Variants in CDKN2B-AS1 observed in about 807,000 individuals in gnomAD.
CDKN2B-AS1 encodes the protein CDKN2B antisense RNA 1 (non-protein coding).
chr9:22,031,904 A>G (rs1221750777), intron 1 of CDKN2B-AS1, among the ~76,000 whole-genome samples: 7 of 152,282 alleles, frequency 4.6e-5, no homozygotes, highest in Admixed American at 3.3e-4. Flanking sequence ...AGAGGCTCAC[A>G]TGGCAGGGAC....
intron 1 of CDKN2B-AS1, among the ~76,000 whole-genome samples, chr9:22,041,481 A>G (rs374733928): frequency 5.8e-4 from 88 of 152,218 alleles, no homozygotes; most frequent in African/African-American, 2.1e-3. Flanking sequence ...TATATGCATA[A>G]TAACCCTGAG....
chr9:22,009,023 C>T (rs2131191180), intron 1 of CDKN2B-AS1: 7 of 1,603,768 alleles, frequency 4.4e-6, no homozygotes, highest in Non-Finnish European at 6.0e-6. Flanking sequence ...ACACTCTTCC[C>T]TTCTTTCCCA....
intron 4 of CDKN2B-AS1, among the ~76,000 whole-genome samples, chr9:22,125,883 T>C (rs1006075089): frequency 1.3e-5 from 2 of 152,210 alleles, no homozygotes; most frequent in Non-Finnish European, 2.9e-5. Flanking sequence ...TATAAGCAGA[T>C]ATTCCAAGAT....
intron 1 of CDKN2B-AS1, chr9:22,008,999 C>A: frequency 6.2e-7 from 1 of 1,613,340 alleles, no homozygotes; most frequent in South Asian, 1.1e-5. Flanking sequence ...CCACCGTTGG[C>A]CGTAAACTTA....
rs568329343 is a variant in CDKN2B-AS1 at position 21,995,557 on chromosome 9, C to G, written n.29+396C>G. 3.3e-5 allele frequency: 5 copies of G among 152,874 alleles called. No homozygotes were observed. The highest frequency in any genetic ancestry group is 1.2e-4 in the African/African-American group (5 of 41,592). The allele number at this position is 152,874 out of a possible 1,614,324, so 9.5% of individuals were successfully genotyped here. A position where few individuals can be genotyped will look rare whatever the true frequency, so the allele number is the denominator to read the frequency against. On this transcript the variant is annotated intron_variant and non_coding_transcript_variant, in intron 1 of 4. Coordinates refer to ENST00000650946, the Ensembl canonical transcript of CDKN2B-AS1. The surrounding 1 kb of genome is among the most constrained non-coding windows in gnomAD (Gnocchi z 5.7). ...CCATGTCCCCTCCTCCCCTTTTCTT[C>G]CACATCACCGATCCTTTCTGGACTC...
At position 22,008,833 on chromosome 9, in the gene CDKN2B-AS1, T is replaced by C. The variant is rs369983875; in HGVS notation, n.29+13672T>C. ...CGCCTCCCGAAACGGTTGACTCCGT[T>C]GGGATCCGCGCCGGCTTCCAGGAGC... On this transcript the variant is annotated intron_variant and non_coding_transcript_variant, in intron 1 of 4. Transcript: ENST00000650946. 79 of 1,608,860 alleles carry C rather than the reference T, an allele frequency of 4.9e-5. No individual in the cohort carries two copies. In the African/African-American group the frequency reaches 8.1e-4, roughly 17 times the overall value.
At position 22,094,291 on chromosome 9, in the gene CDKN2B-AS1, G is replaced by A. The variant is rs547344383; in HGVS notation, n.439-32812G>A. Among the ~76,000 whole-genome samples the A allele has an allele frequency of 4.2e-5, 6 of 143,630 alleles. No individual in the cohort carries two copies. In the South Asian group the frequency reaches 1.1e-3, roughly 25 times the overall value. The allele number at this position is 143,630 out of a possible 152,430, so 94.2% of individuals were successfully genotyped here. On this transcript the variant is annotated intron_variant and non_coding_transcript_variant, in intron 4 of 4. Coordinates refer to ENST00000650946, the Ensembl canonical transcript of CDKN2B-AS1. ...CAACTTTGGCAAATCCGACAATTATGTGTCTTGGAGTTGCTCTTCTTGAGG... is the reference window on the plus strand; with the variant it reads ...CAACTTTGGCAAATCCGACAATTATATGTCTTGGAGTTGCTCTTCTTGAGG...
chr9:22,013,947 A>G (rs1447669191), intron 1 of CDKN2B-AS1, among the ~76,000 whole-genome samples: 2 of 152,034 alleles, frequency 1.3e-5, no homozygotes, highest in Non-Finnish European at 2.9e-5. Flanking sequence ...TAGAGTCTGT[A>G]TGTGATTCAG....
chr9:22,115,714 A>G (rs1825932489), intron 4 of CDKN2B-AS1, among the ~76,000 whole-genome samples: 1 of 152,130 alleles, frequency 6.6e-6, no homozygotes, highest in African/African-American at 2.4e-5. Flanking sequence ...CTATGTGATT[A>G]TCAGCTTGGA....
At chr9:22,029,574 C>T in intron 1 of CDKN2B-AS1, 1 of 776,522 alleles carries the variant, frequency 1.3e-6, no homozygotes, top group Non-Finnish European at 2.4e-6. Context: ...GTATGTGCCA[C>T]TGAGGCCCAC....
At chr9:22,045,113 T>C (rs1823055879) in intron 1 of CDKN2B-AS1, among the ~76,000 whole-genome samples, 1 of 150,858 alleles carries the variant, frequency 6.6e-6, no homozygotes, top group Non-Finnish European at 1.5e-5. Context: ...TGCAAAGGAT[T>C]TGATTTTATA....
chr9:22,012,407 C>A lies in CDKN2B-AS1; in HGVS notation n.29+17246C>A, dbSNP rs1286852314. On this transcript the variant is annotated intron_variant and non_coding_transcript_variant, in intron 1 of 4. Coordinates refer to ENST00000650946, the Ensembl canonical transcript of CDKN2B-AS1. ...CATTATTGAGCCTTCACTCTTCCAG[C>A]TCACCTAGAAATACAGCTGAAACAA... The A allele has an allele frequency of 1.0e-5, 8 of 795,710 alleles. No homozygotes were observed. In the African/African-American group the frequency reaches 1.4e-4, roughly 13 times the overall value. The allele number at this position is 795,710 out of a possible 1,614,324, so 49.3% of individuals were successfully genotyped here.
intron 4 of CDKN2B-AS1, among the ~76,000 whole-genome samples, chr9:22,102,223 T>G (rs995789434): frequency 3.3e-5 from 5 of 152,186 alleles, no homozygotes; most frequent in Non-Finnish European, 5.9e-5. Flanking sequence ...CACTCTCACT[T>G]TCTGTTTTTT....
intron 1 of CDKN2B-AS1, among the ~76,000 whole-genome samples, chr9:22,035,584 G>A (rs1822655541): frequency 6.6e-6 from 1 of 152,086 alleles, no homozygotes; most frequent in Non-Finnish European, 1.5e-5. Context: ...TTCCACGAGG[G>A]GTTGGATGCA....
chr9:22,043,987 A>T (rs894464901), intron 1 of CDKN2B-AS1, among the ~76,000 whole-genome samples: 2 of 151,930 alleles, frequency 1.3e-5, no homozygotes, highest in Non-Finnish European at 2.9e-5. Context: ...TGGTAATAAG[A>T]GCTATTATTT....
At chr9:22,078,176 GAT>G (rs1824568467) in intron 4 of CDKN2B-AS1, among the ~76,000 whole-genome samples, 1 of 152,226 alleles carries the variant, frequency 6.6e-6, no homozygotes, top group South Asian at 2.1e-4. Context: ...ACTAGCATAA[GAT>G]AGAATAGGGC....
chr9:22,023,243 A>AT (rs1014417330), intron 1 of CDKN2B-AS1, among the ~76,000 whole-genome samples: 3 of 151,826 alleles, frequency 2.0e-5, no homozygotes, highest in Non-Finnish European at 4.4e-5. Context: ...ACTATCTTCC[A>AT]TTTTTTTCAG....
intron 4 of CDKN2B-AS1, among the ~76,000 whole-genome samples, chr9:22,061,408 G>A (rs1823813768): frequency 6.6e-6 from 1 of 152,160 alleles, no homozygotes. Flanking sequence ...AACGAATTGT[G>A]TGTTTATAAG....
chr9:22,077,166 C>G (rs1045272271), intron 4 of CDKN2B-AS1, among the ~76,000 whole-genome samples: 1 of 151,978 alleles, frequency 6.6e-6, no homozygotes, highest in Non-Finnish European at 1.5e-5. Flanking sequence ...TAAAAAAATT[C>G]TACATATATG....
Sources: gnomAD v4.1 joint callset for allele counts (sites outside exome capture counted in the v4.1 genomes callset) on GRCh38, gnomAD v4.1.1 for gene constraint, Gnocchi (gnomAD v3.1) non-coding constraint, MANE v1.5 for transcripts, NCBI Gene and HGNC (gene_info 2026-07-23, HGNC 2026-07-21) for gene names.